CHSY3: variants seen among roughly 807,000 people sequenced by gnomAD.
CHSY3 encodes N-acetylgalactosaminyl-proteoglycan 3-beta-glucuronosyltransferase 3.
Under a neutral mutation model 67.2 loss-of-function variants are expected in CHSY3, and 35 were observed. The ratio of observed to expected loss-of-function variants is 0.52; its 90% confidence interval spans 0.40 to 0.69. The LOEUF (loss-of-function observed/expected upper bound fraction) is 0.69, where lower values mean the gene tolerates loss of function less well. Among genes scored for constraint, CHSY3 ranks in the 30% least tolerant of loss-of-function variants. CHSY3 has a pLI of 0.00. For synonymous variants in CHSY3, 474 were observed against 434.7 expected (o/e 1.09, Z -1.12); for missense variants, 1,069 against 1,138.5 (o/e 0.94, Z 0.88).
intron 2 of CHSY3, among the ~76,000 whole-genome samples, chr5:129,946,715 A>G (rs1256528861): frequency 6.6e-6 from 1 of 152,174 alleles, no homozygotes; most frequent in Non-Finnish European, 1.5e-5. Flanking sequence ...TTCTCTTAGC[A>G]TAATGTCCTC....
At position 130,179,642 on chromosome 5, in the gene CHSY3, T is replaced by C. The variant is rs183089095; in HGVS notation, c.1087-4587T>C. Among the ~76,000 whole-genome samples the C allele has an allele frequency of 3.1e-3, 479 of 152,254 alleles. 3 individuals carry two copies. The highest frequency in any genetic ancestry group is 0.011 in the African/African-American group (463 of 41,580). On this transcript the variant is annotated intron_variant, in intron 2 of 2. Transcript: ENST00000305031. ...TATGAAGATAGAGGCAAATTCTTCA[T>C]ATGTTTTCAAAACCAGGTGCCTAAT...
chr5:130,081,853 T>C (rs939666670), intron 2 of CHSY3, among the ~76,000 whole-genome samples: 5 of 152,152 alleles, frequency 3.3e-5, no homozygotes, highest in African/African-American at 1.2e-4. Context: ...TGTTTCTTCA[T>C]AGCAGTAAGA....
intron 2 of CHSY3, among the ~76,000 whole-genome samples, chr5:129,930,098 C>T (rs970265558): frequency 6.6e-6 from 1 of 152,076 alleles, no homozygotes; most frequent in African/African-American, 2.4e-5. Context: ...CTTTGGAAGG[C>T]CGAGGCAGGC....
chr5:130,029,173 G>A (rs979578773), intron 2 of CHSY3, among the ~76,000 whole-genome samples: 5 of 152,142 alleles, frequency 3.3e-5, no homozygotes, highest in Admixed American at 6.6e-5. Flanking sequence ...TATTTGCCGA[G>A]GTCTGGAGCC....
chr5:129,955,381 T>G (rs1046634246), intron 2 of CHSY3, among the ~76,000 whole-genome samples: 1 of 152,124 alleles, frequency 6.6e-6, no homozygotes, highest in Non-Finnish European at 1.5e-5. Flanking sequence ...TCTTTCCTGG[T>G]TATCATTGAT....
chr5:130,030,188 G>A (rs1256167690), intron 2 of CHSY3, among the ~76,000 whole-genome samples: 3 of 151,770 alleles, frequency 2.0e-5, no homozygotes, highest in Non-Finnish European at 4.4e-5. Context: ...AAATATCTTT[G>A]TCATCTCAAT....
intron 2 of CHSY3, among the ~76,000 whole-genome samples, chr5:130,165,767 A>T (rs1350365528): frequency 6.6e-6 from 1 of 152,132 alleles, no homozygotes; most frequent in East Asian, 1.9e-4. Context: ...GATATGAGGT[A>T]GGTATGGATC....
At chr5:130,036,256 C>T (rs1373394374) in intron 2 of CHSY3, among the ~76,000 whole-genome samples, 1 of 151,994 alleles carries the variant, frequency 6.6e-6, no homozygotes, top group East Asian at 1.9e-4. Flanking sequence ...CTTGCATATA[C>T]TTTATTGTGT....
chr5:130,088,141 G>A (rs933554637), intron 2 of CHSY3, among the ~76,000 whole-genome samples: 11 of 152,000 alleles, frequency 7.2e-5, no homozygotes, highest in African/African-American at 2.4e-4. Flanking sequence ...TTAATAAATG[G>A]TGCTGGGAAA....
intron 2 of CHSY3, among the ~76,000 whole-genome samples, chr5:130,042,830 C>A (rs2431193): frequency 0.018 from 2,750 of 151,822 alleles, 74 homozygotes; most frequent in African/African-American, 0.061. Flanking sequence ...GCTTGTTATC[C>A]TGGTACGTAT....
intron 2 of CHSY3, among the ~76,000 whole-genome samples, chr5:129,955,713 C>T (rs557482723): frequency 1.3e-5 from 2 of 152,174 alleles, no homozygotes; most frequent in South Asian, 2.1e-4. Context: ...CCAGGAGGCT[C>T]GAGTGTGTGT....
At chr5:130,108,576 A>T (rs1197696174) in intron 2 of CHSY3, among the ~76,000 whole-genome samples, 1 of 151,732 alleles carries the variant, frequency 6.6e-6, no homozygotes, top group South Asian at 2.1e-4. Context: ...TGCTTTGTCA[A>T]AAAGTTATAT....
chr5:129,985,552 A>T (rs1763171405), intron 2 of CHSY3, among the ~76,000 whole-genome samples: 1 of 151,596 alleles, frequency 6.6e-6, no homozygotes. Flanking sequence ...ATTTTTTCAC[A>T]TTCTGTGAAA....
chr5:130,001,001 C>T (rs1485377911), intron 2 of CHSY3, among the ~76,000 whole-genome samples: 1 of 151,662 alleles, frequency 6.6e-6, no homozygotes, highest in African/African-American at 2.4e-5. Flanking sequence ...AACGATTCTC[C>T]TGCCTCAGCC....
At chr5:130,053,982 T>C (rs1765448837) in intron 2 of CHSY3, among the ~76,000 whole-genome samples, 1 of 152,156 alleles carries the variant, frequency 6.6e-6, no homozygotes, top group Admixed American at 6.6e-5. Flanking sequence ...GCCTAAAACT[T>C]TCCTCAGTTT....
chr5:130,160,928 G>A lies in CHSY3; in HGVS notation c.1087-23301G>A, dbSNP rs549731300. Among the ~76,000 whole-genome samples the A allele has an allele frequency of 2.1e-3, 306 of 142,904 alleles. 1 individual carries two copies. The highest frequency in any genetic ancestry group is 7.3e-3 in the African/African-American group (275 of 37,894). 93.8% of individuals were successfully genotyped at this position (142,904 alleles called of 152,430 possible). ...TTTTTTATTTTTTTTTTTTTGAGACGGAGTCTCACTTTGTCGCCCAGGCTG... is the reference window on the plus strand; with the variant it reads ...TTTTTTATTTTTTTTTTTTTGAGACAGAGTCTCACTTTGTCGCCCAGGCTG... On this transcript the variant is annotated intron_variant, in intron 2 of 2. Coordinates refer to ENST00000305031, the MANE Select transcript of CHSY3 (RefSeq NM_175856.5).
intron 2 of CHSY3, among the ~76,000 whole-genome samples, chr5:130,162,135 C>T (rs1353648001): frequency 6.6e-6 from 1 of 151,346 alleles, no homozygotes; most frequent in East Asian, 1.9e-4. Context: ...TTAATTTTAC[C>T]CCTCAATAAA....
At chr5:129,977,093 A>G (rs1332106572) in intron 2 of CHSY3, among the ~76,000 whole-genome samples, 1 of 152,094 alleles carries the variant, frequency 6.6e-6, no homozygotes, top group Non-Finnish European at 1.5e-5. Context: ...CTTATGGTAG[A>G]AATTATTAAC....
intron 2 of CHSY3, among the ~76,000 whole-genome samples, chr5:130,124,955 A>T (rs1768215802): frequency 6.6e-6 from 1 of 152,234 alleles, no homozygotes; most frequent in Non-Finnish European, 1.5e-5. Context: ...CAATGCCAGT[A>T]AAAATTCTAG....
Sources: gnomAD v4.1 joint callset for allele counts (sites outside exome capture counted in the v4.1 genomes callset) on GRCh38, gnomAD v4.1.1 for gene constraint, MANE v1.5 for transcripts, NCBI Gene and HGNC (gene_info 2026-07-23, HGNC 2026-07-21) for gene names.